Variants in PDGFRL observed in about 807,000 individuals in gnomAD.
PDGFRL encodes the protein platelet-derived growth factor receptor-like protein.
Under a neutral mutation model 37.2 loss-of-function variants are expected in PDGFRL, and 46 were observed. That is an observed-to-expected ratio of 1.24 (90% CI 0.98 to 1.58). The LOEUF (loss-of-function observed/expected upper bound fraction) is 1.58. Among genes scored for constraint, PDGFRL ranks in the 40% most tolerant of loss-of-function variants. The probability of loss-of-function intolerance (pLI) is 0.00; values close to 1 mark genes in which losing one functional copy is unlikely to be tolerated. For missense variants in PDGFRL, 692 were observed against 467.6 expected (o/e 1.48, Z -4.43); for synonymous variants, 251 against 184.3 (o/e 1.36, Z -2.93).
intron 2 of PDGFRL, among the ~76,000 whole-genome samples, chr8:17,608,087 TGGGGCCTCA>T (rs1358957329): frequency 6.6e-6 from 1 of 152,150 alleles, no homozygotes; most frequent in Non-Finnish European, 1.5e-5. Context: ...CACTCTGTCC[TGGGGCCTCA>T]GGGGCCTGTC....
At chr8:17,627,358 G>A (rs993161768) in intron 3 of PDGFRL, among the ~76,000 whole-genome samples, 2 of 152,082 alleles carry the variant, frequency 1.3e-5, no homozygotes, top group South Asian at 2.1e-4. Context: ...TAAGTAATAC[G>A]TGTGTCATCT....
chr8:17,600,795 C>G (rs1804150073), intron 2 of PDGFRL, among the ~76,000 whole-genome samples: 1 of 143,272 alleles, frequency 7.0e-6, no homozygotes, highest in South Asian at 2.3e-4. Context: ...GAGCAAGACC[C>G]CATCTCTAAA....
intron 1 of PDGFRL, among the ~76,000 whole-genome samples, chr8:17,580,963 G>C (rs961482759): frequency 6.6e-6 from 1 of 151,854 alleles, no homozygotes; most frequent in African/African-American, 2.4e-5. Flanking sequence ...TCATACGTGT[G>C]TGTGTGTGTG....
In PDGFRL at chr8:17,638,786, T is replaced by TATATATATATATAA. The variant is rs751775328; in HGVS notation, c.940-3826_940-3825insTATATATATATAAA. Reference sequence around the variant, plus strand: ...ATATATATATATATATATATATATATAATTGTGATATTTTCCTGTTGGGCA... The same window carrying TATATATATATATAA: ...ATATATATATATATATATATATATATATATATATATATAAAATTGTGATATTTTCCTGTTGGGCA... On this transcript the variant is annotated intron_variant, in intron 5 of 5. Transcript: ENST00000251630. Among the ~76,000 whole-genome samples the TATATATATATATAA allele has an allele frequency of 9.2e-4, 95 of 102,828 alleles. 5 individuals carry two copies. Among genetic ancestry groups the TATATATATATATAA allele is most frequent in the East Asian group, 1.7e-3 (5 of 3,018 alleles). 67.5% of individuals were successfully genotyped at this position (102,828 alleles called of 152,430 possible). A position where few individuals can be genotyped will look rare whatever the true frequency, so the allele number is the denominator to read the frequency against.
chr8:17,601,097 C>A (rs547617140), intron 2 of PDGFRL, among the ~76,000 whole-genome samples: 21 of 152,284 alleles, frequency 1.4e-4, no homozygotes, highest in Admixed American at 4.6e-4. Flanking sequence ...ACCAGAGGCC[C>A]GGGAATCACT....
At chr8:17,611,720 G>C (rs757564652) in intron 2 of PDGFRL, among the ~76,000 whole-genome samples, 7 of 152,178 alleles carry the variant, frequency 4.6e-5, no homozygotes, top group East Asian at 1.9e-4. Flanking sequence ...TGTGTGCAAT[G>C]GGAGAAGCTA....
At chr8:17,588,285 C>G (rs959060942) in intron 1 of PDGFRL, among the ~76,000 whole-genome samples, 3 of 152,246 alleles carry the variant, frequency 2.0e-5, no homozygotes, top group Middle Eastern at 3.4e-3. Context: ...ATAATATTTA[C>G]TCTTTAATAA....
intron 2 of PDGFRL, among the ~76,000 whole-genome samples, chr8:17,617,276 C>T (rs954162217): frequency 4.6e-5 from 7 of 152,182 alleles, no homozygotes; most frequent in African/African-American, 1.7e-4. Flanking sequence ...GTGTTCAGAG[C>T]TGCTTCCTGT....
intron 2 of PDGFRL, among the ~76,000 whole-genome samples, chr8:17,591,059 T>C (rs1225113265): frequency 6.6e-6 from 1 of 151,996 alleles, no homozygotes; most frequent in African/African-American, 2.4e-5. Context: ...ATTTTTTGCT[T>C]TTTTAGTAGA....
At chr8:17,639,984 TTTTG>T (rs1410504337) in intron 5 of PDGFRL, among the ~76,000 whole-genome samples, 11 of 152,302 alleles carry the variant, frequency 7.2e-5, no homozygotes, top group South Asian at 2.1e-4. Flanking sequence ...TTAAATTCTT[TTTTG>T]TTTGTCTTTG....
chr8:17,583,832 A>G (rs995926640), intron 1 of PDGFRL, among the ~76,000 whole-genome samples: 17 of 152,284 alleles, frequency 1.1e-4, no homozygotes, highest in African/African-American at 4.1e-4. Flanking sequence ...TGATCTCTGC[A>G]TATACCTATT....
chr8:17,616,623 C>G (rs1046426024), intron 2 of PDGFRL, among the ~76,000 whole-genome samples: 3 of 152,062 alleles, frequency 2.0e-5, no homozygotes, highest in African/African-American at 7.2e-5. Flanking sequence ...GACTGCATGC[C>G]CTCGATTTGC....
At chr8:17,627,760 G>C (rs2129795811) in intron 3 of PDGFRL, among the ~76,000 whole-genome samples, 1 of 151,990 alleles carries the variant, frequency 6.6e-6, no homozygotes, top group East Asian at 1.9e-4. Context: ...ACAGGCATGA[G>C]CCACCACGCC....
Position 17,632,803 on chromosome 8 carries a change from C to G in PDGFRL, c.800-1271C>G, listed in dbSNP as rs190301473. ...TCCCCAGCCCTCCTCCACTCCGCCA[C>G]TGCCTCTCACCCAGGGCCATGAACA... On this transcript the variant is annotated intron_variant, in intron 4 of 5. Transcript: ENST00000251630. Among the ~76,000 whole-genome samples, 892 of 152,252 alleles carry G rather than the reference C, an allele frequency of 5.9e-3. 3 individuals are homozygous for G. The highest frequency in any genetic ancestry group is 9.1e-3 in the Non-Finnish European group (620 of 68,014).
At chr8:17,636,231 A>G (rs924535908) in intron 5 of PDGFRL, among the ~76,000 whole-genome samples, 1 of 152,190 alleles carries the variant, frequency 6.6e-6, no homozygotes, top group African/African-American at 2.4e-5. Context: ...ATCTTCTAGA[A>G]TTTTTATGGT....
In PDGFRL at chr8:17,621,058, C is replaced by G; in HGVS notation, c.361C>G (p.Gln121Glu). 3 of 1,597,792 alleles carry G rather than the reference C, an allele frequency of 1.9e-6. No homozygotes were observed. The highest frequency in any genetic ancestry group is 1.1e-5 in the South Asian group (1 of 89,568). Residue 121 changes from glutamine (Q) to glutamate (E), a missense_variant, in exon 3 of 6, where the codon CAG becomes GAG. Transcript: ENST00000251630. ...TGTGTCTTTTATTCCTAGCGTCAAG[C>G]AGAATGAGCGCTACGGCCAGTTGAC... ...TFKDSRLSVK[Q>E]NERYGQLTLV...
chr8:17,634,960 C>T (rs1214527628), intron 5 of PDGFRL, among the ~76,000 whole-genome samples: 2 of 144,560 alleles, frequency 1.4e-5, no homozygotes, highest in Non-Finnish European at 3.0e-5. Flanking sequence ...TACCCCTGAA[C>T]CTAAAATAAA....
chr8:17,635,832 G>C (rs2129837399), intron 5 of PDGFRL, among the ~76,000 whole-genome samples: 1 of 152,272 alleles, frequency 6.6e-6, no homozygotes, highest in South Asian at 2.1e-4. Context: ...GGAGTAAGGT[G>C]GTATCACATT....
chr8:17,587,070 T>C (rs1803833959), intron 1 of PDGFRL, among the ~76,000 whole-genome samples: 1 of 152,126 alleles, frequency 6.6e-6, no homozygotes, highest in Non-Finnish European at 1.5e-5. Flanking sequence ...GACATGGGAT[T>C]TGGGAGTCAC....
Sources: gnomAD v4.1 joint callset for allele counts (sites outside exome capture counted in the v4.1 genomes callset) on GRCh38, gnomAD v4.1.1 for gene constraint, MANE v1.5 for transcripts, NCBI Gene and HGNC (gene_info 2026-07-23, HGNC 2026-07-21) for gene names.